The following DUS2 variants were observed in gnomAD, a reference collection of about 807,000 sequenced individuals.
DUS2 encodes dihydrouridine synthase 2.
In DUS2, 52 loss-of-function variants were observed where a neutral mutation model predicts 71.3. The observed-to-expected ratio is 0.73, with a 90% CI of 0.58 to 0.92. DUS2 has a LOEUF of 0.92. Among genes scored for constraint, DUS2 ranks in the 40% least tolerant of loss-of-function variants. The pLI is 0.00. For synonymous variants in DUS2, 204 were observed against 227.8 expected, an observed-to-expected ratio of 0.90 and a Z score of 0.94; for missense variants, 558 against 622.6, an observed-to-expected ratio of 0.90 and a Z score of 1.10.
chr16:68,073,985 C>T, intron 12 of DUS2, 49 bp from the exon 13 acceptor site: 1 of 1,611,010 alleles, frequency 6.2e-7, no homozygotes, highest in Non-Finnish European at 8.5e-7. Context: ...GAGCATAGCC[C>T]AGGCCTTAGA....
At position 68,074,054 on chromosome 16, in the gene DUS2, C is replaced by G. The variant is rs1171506354; in HGVS notation, c.831C>G (p.His277Gln). Residue 277 changes from histidine (H) to glutamine (Q), a missense_variant, in exon 13 of 17, where the codon CAC becomes CAG. His to Gln is a conservative substitution (Grantham distance 24). Transcript: ENST00000565263. ...YIRYAVQYDN[H>Q]YTNTKYCLCQ... The stretch of plus-strand genomic sequence containing the variant: ...CTCAGGCGGTGCAGTATGACAACCA[C>G]TACACCAACACCAAGTACTGCTTGT... 6.2e-7 allele frequency: 1 copy of G among 1,614,218 alleles called. No individual in the cohort carries two copies. Among genetic ancestry groups the G allele is most frequent in the Non-Finnish European group, 8.5e-7 (1 of 1,180,016 alleles).
intron 6 of DUS2, among the ~76,000 whole-genome samples, chr16:68,055,792 A>G (rs913215840): frequency 6.1e-5 from 9 of 146,540 alleles, no homozygotes; most frequent in South Asian, 2.4e-4. Context: ...ATGTATTACT[A>G]TTTAGGTTGG....
Position 68,070,975 on chromosome 16 carries a change from A to G in DUS2, c.677A>G (p.Asp226Gly). 2.5e-6 allele frequency: 4 copies of G among 1,614,210 alleles called. No homozygotes were observed. Among genetic ancestry groups the G allele is most frequent in the Non-Finnish European group, 3.4e-6 (4 of 1,180,034 alleles). Residue 226 changes from aspartate (D) to glycine (G), a missense_variant, in exon 12 of 17, where the codon GAC (aspartate) becomes GGC (glycine). Coordinates refer to ENST00000565263, the MANE Select transcript of DUS2 (RefSeq NM_017803.5). ...CATGACCACATCCAACAGTATTCGG[A>G]CATAGAGGACTTTCGACAAGCCACG... ...GSHDHIQQYS[D>G]IEDFRQATAA...
At chr16:68,056,830 A>G (rs2033859442) in intron 7 of DUS2, among the ~76,000 whole-genome samples, 1 of 145,846 alleles carries the variant, frequency 6.9e-6, no homozygotes, top group African/African-American at 2.5e-5. Flanking sequence ...TATTATATAT[A>G]ATGTTATATA....
At chr16:68,053,112 CCCA>C (rs1168909038) in intron 4 of DUS2, among the ~76,000 whole-genome samples, 3 of 151,732 alleles carry the variant, frequency 2.0e-5, no homozygotes, top group Non-Finnish European at 2.9e-5. Flanking sequence ...ACAGGCATAC[CCCA>C]CCACGCCTGG....
chr16:68,053,851 A>G (rs1365192125), intron 5 of DUS2, 196 bp downstream of exon 5: 3 of 577,164 alleles, frequency 5.2e-6, no homozygotes, highest in Non-Finnish European at 9.2e-6. Context: ...TATGGAAATC[A>G]AGCTATCACA....
intron 3 of DUS2, 92 bp downstream of exon 3, chr16:68,038,241 G>C: frequency 6.5e-7 from 1 of 1,544,994 alleles, no homozygotes; most frequent in Non-Finnish European, 8.8e-7. Context: ...AGTGGGGACA[G>C]AATGGGAATT....
intron 14 of DUS2, 49 bp from the exon 15 acceptor site, chr16:68,076,583 G>A: frequency 7.0e-7 from 1 of 1,424,098 alleles, no homozygotes; most frequent in Non-Finnish European, 9.9e-7. Context: ...GGCTGAGGGA[G>A]GGAGCGGTGA....
At chr16:68,070,687 T>G (rs576102669) in intron 11 of DUS2, among the ~76,000 whole-genome samples, 1 of 152,316 alleles carries the variant, frequency 6.6e-6, no homozygotes, top group South Asian at 2.1e-4. Flanking sequence ...TGTTTTAGAT[T>G]AGGGGCAAGG....
intron 3 of DUS2, among the ~76,000 whole-genome samples, chr16:68,043,428 T>C (rs911913116): frequency 6.7e-6 from 1 of 148,924 alleles, no homozygotes; most frequent in African/African-American, 2.5e-5. Context: ...AAAAAAAAAG[T>C]GCTGGGATTA....
intron 7 of DUS2, 110 bp downstream of exon 7, chr16:68,056,534 G>C (rs1453943177): frequency 1.2e-6 from 1 of 822,648 alleles, no homozygotes; most frequent in African/African-American, 1.7e-5. Context: ...TACTAGATGG[G>C]GAAAATGCTC....
Position 68,031,232 on chromosome 16 carries a change from A to G in DUS2, c.-19+5738A>G, listed in dbSNP as rs1009790836. ...CACCAGGCTGGAATGCAGTGGCGTG[A>G]TCTCTCACTGCAACCTCTGCCTCCC... is the stretch of plus-strand genomic sequence containing the variant. On this transcript the variant is annotated intron_variant, in intron 2 of 16. Coordinates refer to ENST00000565263, the MANE Select transcript of DUS2 (RefSeq NM_017803.5). Among the ~76,000 whole-genome samples, 5 of 151,942 alleles carry G rather than the reference A, an allele frequency of 3.3e-5. No individual in the cohort carries two copies. In the South Asian group the frequency reaches 6.2e-4, roughly 19 times the overall value.
intron 4 of DUS2, among the ~76,000 whole-genome samples, chr16:68,052,325 C>A (rs947012554): frequency 6.6e-6 from 1 of 152,128 alleles, no homozygotes; most frequent in Non-Finnish European, 1.5e-5. Context: ...AGGGAGAAGA[C>A]AGAGCATCAC....
chr16:68,031,268 G>A lies in DUS2; in HGVS notation c.-19+5774G>A, dbSNP rs112907492. Among the ~76,000 whole-genome samples the A allele has an allele frequency of 6.5e-3, 985 of 152,214 alleles. 10 individuals carry two copies. Among genetic ancestry groups the A allele is most frequent in the Middle Eastern group, 0.014 (4 of 294 alleles). ...CAACCTCTGCCTCCCGGGTTCAAGC[G>A]ATTCTCCTGCCTCAGCTTCCTGAGT... On this transcript the variant is annotated intron_variant, in intron 2 of 16. Transcript: ENST00000565263.
At position 68,078,978 on chromosome 16, in the gene DUS2, G is replaced by A; in HGVS notation, c.1474G>A (p.Gly492Ser). ...LGSGEESPLE[G>S]W ...AAGTGGTGAAGAAAGCCCCCTGGAA[G>A]GCTGGTGACTACTCTTCCTGCCTTA... The change falls in exon 17 of 17, where the codon GGC (glycine) becomes AGC (serine). Residue 492 changes from glycine (G) to serine (S), a missense_variant. By Grantham distance (56) the Gly-to-Ser change is moderately conservative (BLOSUM62 0). Coordinates refer to ENST00000565263, the MANE Select transcript of DUS2 (RefSeq NM_017803.5). 6.4e-7 allele frequency: 1 copy of A among 1,567,722 alleles called. No homozygotes were observed. The highest frequency in any genetic ancestry group is 1.2e-5 in the South Asian group (1 of 85,158).
At chr16:68,031,169 C>A (rs776156959) in intron 2 of DUS2, among the ~76,000 whole-genome samples, 2 of 151,886 alleles carry the variant, frequency 1.3e-5, no homozygotes, top group African/African-American at 2.4e-5. Flanking sequence ...AACTCATGAA[C>A]TCTTTTTTTT....
intron 10 of DUS2, among the ~76,000 whole-genome samples, chr16:68,069,636 G>T (rs547401591): frequency 2.0e-5 from 3 of 152,298 alleles, no homozygotes; most frequent in African/African-American, 7.2e-5. Flanking sequence ...TGGGTGCGGG[G>T]CCTACCCTGT....
At position 68,056,769 on chromosome 16, in the gene DUS2, C is replaced by T. The variant is rs890784032; in HGVS notation, c.369+345C>T. Among the ~76,000 whole-genome samples, 18 of 148,260 alleles carry T rather than the reference C, an allele frequency of 1.2e-4. 1 individual carries two copies. The highest frequency in any genetic ancestry group is 1.5e-5 in the Non-Finnish European group (1 of 67,304). ...CATATACACACACACTCATATATCA[C>T]ACACACATACATATATAGATTCATA... On this transcript the variant is annotated intron_variant, in intron 7 of 16. Transcript: ENST00000565263.
Position 68,053,598 on chromosome 16 carries a change from T to G in DUS2, c.207T>G (p.Asp69Glu), listed in dbSNP as rs764704221. Reference sequence around the variant, plus strand: ...GCACAGTGGACTTTGTCGCCCCTGATGATCGAGTTGTCTTCCGCACCTGTG... The same window carrying G: ...GCACAGTGGACTTTGTCGCCCCTGAGGATCGAGTTGTCTTCCGCACCTGTG... Reference protein sequence around the residue: ...VLSTVDFVAPDDRVVFRTCER... With the variant: ...VLSTVDFVAPEDRVVFRTCER... The change falls in exon 5 of 17, where the codon GAT becomes GAG. Residue 69 changes from aspartate (D) to glutamate (E), a missense_variant. Physicochemically the swap from Asp to Glu is conservative, Grantham distance 45. Coordinates refer to ENST00000565263, the MANE Select transcript of DUS2 (RefSeq NM_017803.5). 1.1e-5 allele frequency: 17 copies of G among 1,614,242 alleles called. No individual in the cohort carries two copies. The highest frequency in any genetic ancestry group is 1.4e-5 in the Non-Finnish European group (17 of 1,180,046).
Sources: gnomAD v4.1 joint callset for allele counts (sites outside exome capture counted in the v4.1 genomes callset) on GRCh38, gnomAD v4.1.1 for gene constraint, MANE v1.5 for transcripts, NCBI Gene and HGNC (gene_info 2026-07-23, HGNC 2026-07-21) for gene names.